The following SMAD5 variants were observed in gnomAD, a reference collection of about 807,000 sequenced individuals.
SMAD5 encodes MAD, mothers against decapentaplegic homolog 5.
SMAD5 carries 9 observed loss-of-function variants against 43.1 expected under a neutral mutation model. The observed-to-expected ratio is 0.21, with a 90% CI of 0.13 to 0.36. The LOEUF is 0.36. SMAD5 is among the 10% of genes least tolerant of loss of function. SMAD5 has a pLI of 1.00. For synonymous variants in SMAD5, 190 were observed against 192.4 expected (o/e 0.99, Z 0.10); for missense variants, 348 against 574.0 (o/e 0.61, Z 4.02).
intron 1 of SMAD5, chr5:136,134,356 T>G (rs111326794): frequency 7.9e-5 from 12 of 152,362 alleles, no homozygotes; most frequent in African/African-American, 2.9e-4. Context: ...CCAGAGTGAA[T>G]TAGTTTTTAA....
At chr5:136,174,282 T>C in intron 6 of SMAD5, 94 bp from the exon 7 acceptor site, 2 of 1,176,254 alleles carry the variant, frequency 1.7e-6, no homozygotes, top group Non-Finnish European at 2.4e-6. Flanking sequence ...AAGTTTGCTG[T>C]GGATTAATGG....
chr5:136,147,197 G>C (rs1178739732), intron 1 of SMAD5, among the ~76,000 whole-genome samples: 1 of 151,634 alleles, frequency 6.6e-6, no homozygotes, highest in Non-Finnish European at 1.5e-5. Context: ...TTTGGAGTAA[G>C]ATCACCACAA....
At chr5:136,157,539 C>G (rs1180240476) in intron 3 of SMAD5, among the ~76,000 whole-genome samples, 1 of 152,052 alleles carries the variant, frequency 6.6e-6, no homozygotes, top group East Asian at 1.9e-4. Context: ...GCTTGTTTAC[C>G]TGCAGCTAGG....
In SMAD5 at chr5:136,178,283, A is replaced by G. The variant is rs1754497541; in HGVS notation, c.*803A>G. The G allele has an allele frequency of 6.6e-6, 1 of 152,646 alleles. No individual in the cohort carries two copies. The highest frequency in any genetic ancestry group is 1.5e-5 in the Non-Finnish European group (1 of 68,026). 9.5% of individuals were successfully genotyped at this position (152,646 alleles called of 1,614,324 possible). ...CAACTATGTTTGCTGCTTTTGGACA[A>G]TGTTGCAAGAACTCTATTTTTGACA... is the stretch of plus-strand genomic sequence containing the variant. On this transcript the variant is annotated 3_prime_UTR_variant, in exon 8 of 8. Transcript: ENST00000545279.
At chr5:136,176,833 G>GT (rs938680123) in intron 7 of SMAD5, among the ~76,000 whole-genome samples, 19 of 152,002 alleles carry the variant, frequency 1.2e-4, no homozygotes, top group African/African-American at 4.3e-4. Context: ...AGAGAAAATG[G>GT]TATTTATAAA....
intron 1 of SMAD5, chr5:136,133,831 A>G (rs374533459): frequency 1.9e-5 from 3 of 154,788 alleles, no homozygotes; most frequent in African/African-American, 7.2e-5. Context: ...TCAGTAGCCA[A>G]AACAGATTTT....
At chr5:136,142,620 C>A (rs966435934) in intron 1 of SMAD5, among the ~76,000 whole-genome samples, 2 of 151,974 alleles carry the variant, frequency 1.3e-5, no homozygotes, top group East Asian at 3.9e-4. Context: ...TCTTCATAAA[C>A]CAAAGGTATA....
Position 136,153,599 on chromosome 5 carries a change from C to A in SMAD5, c.-162C>A. 1 of 578,138 alleles carries A rather than the reference C, an allele frequency of 1.7e-6. No individual in the cohort carries two copies. Among genetic ancestry groups the A allele is most frequent in the South Asian group, 2.5e-5 (1 of 40,272 alleles). The allele number at this position is 578,138 out of a possible 1,614,324, so 35.8% of individuals were successfully genotyped here. ...TCCCCCTTTCTCTTTCAGGACTTGACCCAATGAAAGAAGCATATGGCACTT... is the reference window on the plus strand; with the variant it reads ...TCCCCCTTTCTCTTTCAGGACTTGAACCAATGAAAGAAGCATATGGCACTT... On this transcript the variant is annotated 5_prime_UTR_variant, in exon 3 of 8. Transcript: ENST00000545279.
intron 5 of SMAD5, among the ~76,000 whole-genome samples, chr5:136,167,197 C>T (rs958407080): frequency 4.0e-5 from 6 of 151,584 alleles, no homozygotes; most frequent in African/African-American, 7.3e-5. Context: ...ACCTTCTGCT[C>T]GTTCTTAGCT....
intron 5 of SMAD5, among the ~76,000 whole-genome samples, chr5:136,166,625 A>G (rs1441115498): frequency 1.3e-5 from 2 of 152,192 alleles, no homozygotes; most frequent in African/African-American, 2.4e-5. Context: ...CAAAATAGGG[A>G]TGATATGCTG....
At chr5:136,172,941 T>C (rs1034286157) in intron 6 of SMAD5, 1 of 399,852 alleles carries the variant, frequency 2.5e-6, no homozygotes, top group East Asian at 5.2e-5. Flanking sequence ...AGGAACTTGC[T>C]TTGTTCACAG....
chr5:136,160,949 A>G lies in SMAD5; in HGVS notation c.497A>G (p.His166Arg), dbSNP rs1331166316. 1 of 1,613,800 alleles carries G rather than the reference A, an allele frequency of 6.2e-7. No individual in the cohort carries two copies. The highest frequency in any genetic ancestry group is 2.2e-5 in the East Asian group (1 of 44,886). The change falls in exon 4 of 8, where the codon CAC (histidine) becomes CGC (arginine). Residue 166 changes from histidine (H) to arginine (R), a missense_variant. Physicochemically the swap from His to Arg is conservative, Grantham distance 29. Around this residue, in one of 5 missense-constraint regions of SMAD5, gnomAD observed 185 missense variants for 207.0 expected, o/e 0.89. Transcript: ENST00000545279. ...QFRNLSHNEP[H>R]MPQNATFPDS... ...AGGAACCTGAGCCACAATGAACCAC[A>G]CATGCCACAAAATGCCACGTTTCCA...
intron 5 of SMAD5, among the ~76,000 whole-genome samples, chr5:136,170,893 A>C (rs1754196119): frequency 6.6e-6 from 1 of 152,156 alleles, no homozygotes; most frequent in Admixed American, 6.5e-5. Context: ...ATAGGAGAGC[A>C]ATCAACTTTT....
intron 1 of SMAD5, among the ~76,000 whole-genome samples, chr5:136,142,179 T>C (rs1753103616): frequency 6.6e-6 from 1 of 152,016 alleles, no homozygotes; most frequent in Admixed American, 6.6e-5. Flanking sequence ...TGGGGACAGA[T>C]TTGAAAGGTA....
intron 3 of SMAD5, among the ~76,000 whole-genome samples, chr5:136,159,033 CTTAAAA>C (rs1186826707): frequency 2.6e-5 from 4 of 152,102 alleles, no homozygotes; most frequent in African/African-American, 7.2e-5. Flanking sequence ...GTGGAATGTA[CTTAAAA>C]TTAAACAAAT....
At chr5:136,160,383 A>G (rs542045507) in intron 3 of SMAD5, among the ~76,000 whole-genome samples, 2 of 152,184 alleles carry the variant, frequency 1.3e-5, no homozygotes, top group South Asian at 4.2e-4. Context: ...GCGTAGGCCA[A>G]CTGATTTTCT....
intron 5 of SMAD5, among the ~76,000 whole-genome samples, chr5:136,166,081 CA>C (rs1212761381): frequency 6.6e-6 from 1 of 151,940 alleles, no homozygotes; most frequent in Non-Finnish European, 1.5e-5. Flanking sequence ...TCCTCACCAG[CA>C]CTTGTTTTCT....
At chr5:136,145,580 A>G (rs1753232503) in intron 1 of SMAD5, among the ~76,000 whole-genome samples, 2 of 152,154 alleles carry the variant, frequency 1.3e-5, no homozygotes, top group South Asian at 4.1e-4. Context: ...CTCTTAAAGT[A>G]CATGACTGTA....
intron 1 of SMAD5, among the ~76,000 whole-genome samples, chr5:136,139,079 G>A (rs1237178660): frequency 2.0e-5 from 3 of 152,002 alleles, no homozygotes; most frequent in Non-Finnish European, 4.4e-5. Context: ...GGAGCACAAA[G>A]TGAAAGAGTT....
Sources: gnomAD v4.1 joint callset for allele counts (sites outside exome capture counted in the v4.1 genomes callset) on GRCh38, gnomAD v4.1.1 for gene constraint, gnomAD v4.1.1 regional missense constraint, MANE v1.5 for transcripts, NCBI Gene and HGNC (gene_info 2026-07-23, HGNC 2026-07-21) for gene names.